Variants in OR51A7 observed in about 807,000 individuals in gnomAD.
OR51A7 encodes the protein olfactory receptor 51A7.
For missense variants in OR51A7, 409 were observed against 374.5 expected (o/e 1.09, Z -0.76); for synonymous variants, 143 against 135.5 (o/e 1.05, Z -0.38).
Position 4,908,202 on chromosome 11 carries a change from T to G in OR51A7, c.833T>G (p.Met278Arg). The G allele has an allele frequency of 6.2e-7, 1 of 1,614,212 alleles. No individual in the cohort carries two copies. ...CTTGTTGTGATCCTTATTGCAGATA[T>G]GTTCTTGTTGGTGCCGCCCCTTATG... ...SPLVVILIAD[M>R]FLLVPPLMNP... The change falls in exon 2 of 2, where the codon ATG becomes AGG. Residue 278 changes from methionine to arginine, a missense_variant. Transcript: ENST00000641490.
chr11:4,904,841 G>C (rs946005962), intron 1 of OR51A7, among the ~76,000 whole-genome samples: 5 of 152,080 alleles, frequency 3.3e-5, no homozygotes, highest in African/African-American at 1.2e-4. Flanking sequence ...TATTTGCTGA[G>C]AGCCTTTTAT....
Position 4,907,546 on chromosome 11 carries a change from G to A in OR51A7, c.177G>A (p.Met59Ile), listed in dbSNP as rs757678839. 6.2e-7 allele frequency: 1 copy of A among 1,614,066 alleles called. No individual in the cohort carries two copies. Among genetic ancestry groups the A allele is most frequent in the Admixed American group, 1.7e-5 (1 of 60,006 alleles). Reference protein sequence around the residue: ...IKTEPSLHEPMYYFLAMLAVS... With the variant: ...IKTEPSLHEPIYYFLAMLAVS... ...CAGAGCCCTCGCTTCATGAGCCCAT[G>A]TATTATTTCCTTGCCATGTTGGCTG... is the stretch of plus-strand genomic sequence containing the variant. The change falls in exon 2 of 2, where the codon ATG (methionine) becomes ATA (isoleucine). Residue 59 changes from methionine (M) to isoleucine (I), a missense_variant. Met to Ile is a conservative substitution (Grantham distance 10). Coordinates refer to ENST00000641490, the MANE Select transcript of OR51A7 (RefSeq NM_001004749.2).
intron 1 of OR51A7, among the ~76,000 whole-genome samples, chr11:4,906,315 CTGTT>C (rs1367963370): frequency 6.6e-6 from 1 of 152,200 alleles, no homozygotes; most frequent in Non-Finnish European, 1.5e-5. Flanking sequence ...ACCTAGATCT[CTGTT>C]TGGAACTTCA....
chr11:4,907,095 T>TAAAAAAAAAAAAAAAAAAAAAAA (rs3065178), intron 1 of OR51A7, among the ~76,000 whole-genome samples: 9 of 55,124 alleles, frequency 1.6e-4, no homozygotes, highest in East Asian at 1.6e-3. Context: ...AAACTCCCTC[T>TAAAAAAAAAAAAAAAAAAAAAAA]AAAAAAAAAA....
rs374676561 is a variant in OR51A7, at chr11:4,907,021, G to A, written c.-31-318G>A. ...TGAGGCAGGAGAATCACTTGATCGCGGGAGGTGGAGGTTGCAGCAAGCTGA... is the reference window on the plus strand; with the variant it reads ...TGAGGCAGGAGAATCACTTGATCGCAGGAGGTGGAGGTTGCAGCAAGCTGA... On this transcript the variant is annotated intron_variant, in intron 1 of 1. Coordinates refer to ENST00000641490, the MANE Select transcript of OR51A7 (RefSeq NM_001004749.2). Among the ~76,000 whole-genome samples the A allele has an allele frequency of 3.3e-4, 48 of 144,848 alleles. No individual in the cohort carries two copies. In the South Asian group the frequency reaches 6.5e-3, roughly 20 times the overall value.
chr11:4,907,976 G>C lies in OR51A7; in HGVS notation c.607G>C (p.Ala203Pro). ...CAATGTCATCTATGGCTTCTTCATT[G>C]CTCTCTGTACTATGCTGGACTTGGC... ...KTNVIYGFFI[A>P]LCTMLDLALI... The change falls in exon 2 of 2, where the codon GCT (alanine) becomes CCT (proline). Residue 203 changes from alanine (A) to proline (P), a missense_variant. Physicochemically the swap from Ala to Pro is conservative, Grantham distance 27. Transcript: ENST00000641490. 1 of 1,614,104 alleles carries C rather than the reference G, an allele frequency of 6.2e-7. No homozygotes were observed. Among genetic ancestry groups the C allele is most frequent in the Non-Finnish European group, 8.5e-7 (1 of 1,180,016 alleles).
Position 4,907,981 on chromosome 11 carries a change from C to T in OR51A7, c.612C>T (p.Leu204=). 6.2e-7 allele frequency: 1 copy of T among 1,614,206 alleles called. No homozygotes were observed. Among genetic ancestry groups the T allele is most frequent in the Non-Finnish European group, 8.5e-7 (1 of 1,180,022 alleles). ...TNVIYGFFIA[L]CTMLDLALIV... ...TCATCTATGGCTTCTTCATTGCTCT[C>T]TGTACTATGCTGGACTTGGCACTGA... Residue 204 remains leucine (L), a synonymous_variant, in exon 2 of 2, where the codon CTC becomes CTT. Coordinates refer to ENST00000641490, the MANE Select transcript of OR51A7 (RefSeq NM_001004749.2).
At chr11:4,905,975 T>C (rs1183020473) in intron 1 of OR51A7, among the ~76,000 whole-genome samples, 1 of 152,046 alleles carries the variant, frequency 6.6e-6, no homozygotes, top group Non-Finnish European at 1.5e-5. Flanking sequence ...TTTATTTGAC[T>C]AAATATGCAT....
intron 1 of OR51A7, among the ~76,000 whole-genome samples, chr11:4,904,421 T>C (rs973537133): frequency 2.0e-5 from 3 of 152,154 alleles, no homozygotes; most frequent in Admixed American, 6.5e-5. Context: ...TTCTCTTCTT[T>C]TGGCATCTAC....
chr11:4,904,450 A>G (rs1850852385), intron 1 of OR51A7, among the ~76,000 whole-genome samples: 1 of 152,110 alleles, frequency 6.6e-6, no homozygotes, highest in South Asian at 2.1e-4. Context: ...ACCTCTCTGT[A>G]TATTCTACCT....
chr11:4,905,706 T>G (rs1469350132), intron 1 of OR51A7, among the ~76,000 whole-genome samples: 2 of 152,176 alleles, frequency 1.3e-5, no homozygotes, highest in Non-Finnish European at 1.5e-5. Flanking sequence ...GGAAGCTTAT[T>G]AAATATAGGC....
At chr11:4,904,265 C>T (rs982370890) in intron 1 of OR51A7, among the ~76,000 whole-genome samples, 1 of 152,028 alleles carries the variant, frequency 6.6e-6, no homozygotes, top group African/African-American at 2.4e-5. Flanking sequence ...AAGCAGCTTT[C>T]CCAGATTCAC....
At chr11:4,907,095 TAAAA>T (rs3065178) in intron 1 of OR51A7, among the ~76,000 whole-genome samples, 6 of 55,126 alleles carry the variant, frequency 1.1e-4, no homozygotes, top group Admixed American at 2.2e-4. Flanking sequence ...AAACTCCCTC[TAAAA>T]AAAAAAAAAA....
Position 4,907,745 on chromosome 11 carries a change from A to C in OR51A7, c.376A>C (p.Ile126Leu). The C allele has an allele frequency of 6.2e-7, 1 of 1,614,098 alleles. No individual in the cohort carries two copies. The highest frequency in any genetic ancestry group is 8.5e-7 in the Non-Finnish European group (1 of 1,180,024). Residue 126 changes from isoleucine to leucine, a missense_variant, in exon 2 of 2, where the codon ATT becomes CTT. By Grantham distance (5) the Ile-to-Leu change is conservative. Transcript: ENST00000641490. ...TATGTCTTTGGACCGCTTTCTTGCC[A>C]TTCACAATCCCTTAAGATACAGTTC... ...LIMSLDRFLAIHNPLRYSSIL... is the reference protein window; with the variant it reads ...LIMSLDRFLALHNPLRYSSIL...
chr11:4,909,435 T>C lies in OR51A7; in HGVS notation c.*1127T>C, dbSNP rs1008308186. 1.3e-5 allele frequency: 2 copies of C among 152,108 alleles called. No individual in the cohort carries two copies. Among genetic ancestry groups the C allele is most frequent in the African/African-American group, 4.8e-5 (2 of 41,434 alleles). The allele number at this position is 152,108 out of a possible 1,614,324, so 9.4% of individuals were successfully genotyped here. On this transcript the variant is annotated 3_prime_UTR_variant, in exon 2 of 2. Transcript: ENST00000641490. Reference sequence around the variant, plus strand: ...TTGAATGATGGGTTTGAATTTTGTCTTGAGGATTTGGCATAGGTGACTGAA... The same window carrying C: ...TTGAATGATGGGTTTGAATTTTGTCCTGAGGATTTGGCATAGGTGACTGAA...
rs1487637018 is a variant in OR51A7 at position 4,908,113 on chromosome 11, CA to C, written c.745del (p.Thr249ProfsTer24). On this transcript the variant is annotated frameshift_variant, in exon 2 of 2. Transcript: ENST00000641490. LOFTEE classifies it low-confidence loss of function (END_TRUNC). ...GTGTCTCCCACATCTGTGCTGTGCTCACCTTCTATGTGCCCATCATCACCCT... is the reference window on the plus strand; with the variant it reads ...GTGTCTCCCACATCTGTGCTGTGCTCCCTTCTATGTGCCCATCATCACCCT... ...TCVSHICAVL[T>X]FYVPIITLAA... 6 of 1,613,972 alleles carry C rather than the reference CA, an allele frequency of 3.7e-6. No individual in the cohort carries two copies. The African/African-American group carries it at 5.3e-5, about 14-fold the overall frequency.
intron 1 of OR51A7, among the ~76,000 whole-genome samples, chr11:4,906,018 CAG>C (rs1850882233): frequency 6.6e-6 from 1 of 151,894 alleles, no homozygotes; most frequent in African/African-American, 2.4e-5. Context: ...TAATTAAATA[CAG>C]AGATATAAGA....
At chr11:4,906,001 C>A (rs1050045305) in intron 1 of OR51A7, among the ~76,000 whole-genome samples, 2 of 151,858 alleles carry the variant, frequency 1.3e-5, no homozygotes, top group East Asian at 3.9e-4. Context: ...TGACTAATTT[C>A]TCTGACTAAT....
At chr11:4,906,687 TG>T (rs1850894770) in intron 1 of OR51A7, among the ~76,000 whole-genome samples, 1 of 152,168 alleles carries the variant, frequency 6.6e-6, no homozygotes, top group African/African-American at 2.4e-5. Flanking sequence ...AAAGCCAACG[TG>T]GGTACTGCTG....
Sources: gnomAD v4.1 joint callset for allele counts (sites outside exome capture counted in the v4.1 genomes callset) on GRCh38, gnomAD v4.1.1 for gene constraint, MANE v1.5 for transcripts, NCBI Gene and HGNC (gene_info 2026-07-23, HGNC 2026-07-21) for gene names.